Variants in NCOA7 observed in about 807,000 individuals in gnomAD.
NCOA7 encodes the protein nuclear receptor coactivator 7, also known as 140 kDa estrogen receptor-associated protein.
Under a neutral mutation model 104.3 loss-of-function variants are expected in NCOA7, and 45 were observed. The ratio of observed to expected loss-of-function variants is 0.43; its 90% confidence interval spans 0.34 to 0.55. The LOEUF is 0.55. Among genes scored for constraint, NCOA7 ranks in the 20% least tolerant of loss-of-function variants. The pLI is 0.02. For synonymous variants in NCOA7, 398 were observed against 402.3 expected, an observed-to-expected ratio of 0.99 and a Z score of 0.13; for missense variants, 1,041 against 1,119.7, an observed-to-expected ratio of 0.93 and a Z score of 1.00.
intron 3 of NCOA7, among the ~76,000 whole-genome samples, chr6:125,867,993 A>G (rs1221707571): frequency 6.6e-6 from 1 of 152,220 alleles, no homozygotes; most frequent in African/African-American, 2.4e-5. Context: ...TTTCATTCCT[A>G]TGAAGAAATT....
chr6:125,784,748 T>C (rs2128537103), intron 1 of NCOA7, among the ~76,000 whole-genome samples: 1 of 152,280 alleles, frequency 6.6e-6, no homozygotes, highest in Non-Finnish European at 1.5e-5. Flanking sequence ...CTTGGATAGA[T>C]CTCAAGGGAA....
rs1305154969 is a variant in NCOA7 at position 125,922,604 on chromosome 6, G to A, written c.2371-78G>A. On this transcript the variant is annotated intron_variant, in intron 12 of 15. Transcript: ENST00000392477. ...GTATGATACTGAGTTTGAATAACAG[G>A]CATTTGTTTTGTGCCACATGTTCGT... The A allele has an allele frequency of 5.3e-6, 8 of 1,516,150 alleles. No homozygotes were observed. The African/African-American group carries it at 8.2e-5, about 16-fold the overall frequency. The allele number at this position is 1,516,150 out of a possible 1,614,324, so 93.9% of individuals were successfully genotyped here. A position where few individuals can be genotyped will look rare whatever the true frequency, so the allele number is the denominator to read the frequency against.
At chr6:125,856,256 G>C (rs971215377) in intron 3 of NCOA7, among the ~76,000 whole-genome samples, 1 of 152,150 alleles carries the variant, frequency 6.6e-6, no homozygotes, top group Non-Finnish European at 1.5e-5. Context: ...TCTCATAGCA[G>C]AGAAATGACA....
chr6:125,924,397 T>G (rs999287087), intron 13 of NCOA7, among the ~76,000 whole-genome samples: 1 of 152,230 alleles, frequency 6.6e-6, no homozygotes, highest in Non-Finnish European at 1.5e-5. Flanking sequence ...GAGGCACTTG[T>G]GTCATTTGAG....
intron 14 of NCOA7, 151 bp from the exon 15 acceptor site, chr6:125,928,023 T>A (rs925467570): frequency 1.3e-6 from 1 of 773,718 alleles, no homozygotes; most frequent in African/African-American, 1.8e-5. Context: ...GGAGATCTCA[T>A]CCTGGTGTGG....
At chr6:125,800,436 A>G (rs1156965833) in intron 1 of NCOA7, among the ~76,000 whole-genome samples, 8 of 152,250 alleles carry the variant, frequency 5.3e-5, no homozygotes, top group Admixed American at 2.0e-4. Context: ...AAAAGTAATT[A>G]GAGTTTTATG....
chr6:125,781,735 A>G (rs977396654), intron 1 of NCOA7, among the ~76,000 whole-genome samples: 1 of 152,200 alleles, frequency 6.6e-6, no homozygotes, highest in Non-Finnish European at 1.5e-5. Flanking sequence ...CAAAGTACAA[A>G]AGGGTATGGT....
Position 125,862,309 on chromosome 6 carries a change from A to G in NCOA7, c.271+7069A>G, listed in dbSNP as rs1782128559. Reference sequence around the variant, plus strand: ...CTGTAGCAAATGTTTACAGGTCATGAATAAATGATAAAGAGATGATCTTTT... The same window carrying G: ...CTGTAGCAAATGTTTACAGGTCATGGATAAATGATAAAGAGATGATCTTTT... On this transcript the variant is annotated intron_variant, in intron 3 of 15. Coordinates refer to ENST00000392477, the MANE Select transcript of NCOA7 (RefSeq NM_181782.5). Among the ~76,000 whole-genome samples, 2 of 138,192 alleles carry G rather than the reference A, an allele frequency of 1.4e-5. 1 individual carries two copies. The highest frequency in any genetic ancestry group is 3.1e-5 in the Non-Finnish European group (2 of 64,958). The allele number at this position is 138,192 out of a possible 152,430, so 90.7% of individuals were successfully genotyped here.
At chr6:125,828,280 TG>T (rs1207990386) in intron 2 of NCOA7, among the ~76,000 whole-genome samples, 3 of 152,202 alleles carry the variant, frequency 2.0e-5, no homozygotes, top group Non-Finnish European at 4.4e-5. Flanking sequence ...AAGGAGCGAA[TG>T]ATCAGCAGGT....
At chr6:125,834,529 ACT>A (rs1779453609) in intron 2 of NCOA7, among the ~76,000 whole-genome samples, 1 of 152,106 alleles carries the variant, frequency 6.6e-6, no homozygotes, top group Non-Finnish European at 1.5e-5. Flanking sequence ...GGGTCACCAG[ACT>A]CTCAGCTGCT....
chr6:125,864,035 T>G (rs1782251780), intron 3 of NCOA7, among the ~76,000 whole-genome samples: 1 of 136,892 alleles, frequency 7.3e-6, no homozygotes, highest in Non-Finnish European at 1.5e-5. Context: ...GGGGGCAGTT[T>G]GGCTGTTTTT....
chr6:125,841,524 A>AT (rs1007347783), intron 2 of NCOA7, among the ~76,000 whole-genome samples: 10 of 151,386 alleles, frequency 6.6e-5, no homozygotes, highest in Admixed American at 2.6e-4. Flanking sequence ...CCATTGTTGG[A>AT]TTTTTTTTTA....
At chr6:125,928,322 T>C in intron 15 of NCOA7, 75 bp downstream of exon 15, 1 of 1,307,424 alleles carries the variant, frequency 7.6e-7, no homozygotes, top group Non-Finnish European at 1.1e-6. Flanking sequence ...TTGACCTACG[T>C]AGTTAAAACT....
At chr6:125,847,961 A>G (rs1277319596) in intron 2 of NCOA7, among the ~76,000 whole-genome samples, 4 of 152,220 alleles carry the variant, frequency 2.6e-5, no homozygotes, top group Non-Finnish European at 5.9e-5. Flanking sequence ...TTTACAAGAA[A>G]AAAACAACCC....
At chr6:125,892,280 G>A (rs1018982793) in intron 10 of NCOA7, among the ~76,000 whole-genome samples, 3 of 152,058 alleles carry the variant, frequency 2.0e-5, no homozygotes, top group Admixed American at 1.3e-4. Flanking sequence ...AAGGACTCTC[G>A]TAGAATAATT....
intron 2 of NCOA7, among the ~76,000 whole-genome samples, chr6:125,816,526 A>G (rs559778389): frequency 3.3e-5 from 5 of 152,340 alleles, no homozygotes; most frequent in African/African-American, 9.6e-5. Context: ...TTAAACTACC[A>G]ATTGTAGTAA....
chr6:125,885,155 G>C lies in NCOA7; in HGVS notation c.700-4G>C, dbSNP rs200191767. The C allele has an allele frequency of 6.5e-4, 1,048 of 1,613,680 alleles. 1 individual carries two copies. Among genetic ancestry groups the C allele is most frequent in the Middle Eastern group, 2.3e-3 (14 of 6,060 alleles). Reference sequence around the variant, plus strand: ...TGATTCTGTCCTGTTGCTTTCTCCTGCAGGGTGTGGTTGGCGGTGTTATGA... The same window carrying C: ...TGATTCTGTCCTGTTGCTTTCTCCTCCAGGGTGTGGTTGGCGGTGTTATGA... On this transcript the variant is annotated splice_region_variant and splice_polypyrimidine_tract_variant and intron_variant, in intron 7 of 15. Transcript: ENST00000392477.
chr6:125,789,309 C>T (rs1774628088), upstream of NCOA7, among the ~76,000 whole-genome samples: 1 of 152,258 alleles, frequency 6.6e-6, no homozygotes, highest in South Asian at 2.1e-4. Context: ...CAGGGCCTCA[C>T]ACCCAACCTT....
At chr6:125,880,439 AC>A (rs1212132478) in intron 5 of NCOA7, among the ~76,000 whole-genome samples, 5 of 151,570 alleles carry the variant, frequency 3.3e-5, no homozygotes, top group African/African-American at 1.2e-4. Context: ...CTTCAGTTGG[AC>A]CCACTTGCTT....
Sources: gnomAD v4.1 joint callset for allele counts (sites outside exome capture counted in the v4.1 genomes callset) on GRCh38, gnomAD v4.1.1 for gene constraint, MANE v1.5 for transcripts, NCBI Gene and HGNC (gene_info 2026-07-23, HGNC 2026-07-21) for gene names.